Variants in ATP6V0D1 observed in about 807,000 individuals in gnomAD.
ATP6V0D1 encodes V-type proton ATPase subunit d 1.
In ATP6V0D1, 13 loss-of-function variants were observed where a neutral mutation model predicts 39.0. That is an observed-to-expected ratio of 0.33 (90% confidence interval 0.22 to 0.53). ATP6V0D1 has a LOEUF of 0.53. Among genes scored for constraint, ATP6V0D1 ranks in the 20% least tolerant of loss-of-function variants. The pLI, the probability that ATP6V0D1 is intolerant of heterozygous loss-of-function variation, is 0.94. For missense variants in ATP6V0D1, 272 were observed against 470.9 expected (o/e 0.58, Z 3.91); for synonymous variants, 191 against 191.2 (o/e 1.00, Z 0.01).
chr16:67,469,181 G>A (rs534816839), intron 1 of ATP6V0D1, among the ~76,000 whole-genome samples: 89 of 152,264 alleles, frequency 5.8e-4, no homozygotes, highest in Non-Finnish European at 1.1e-3. Context: ...GGTGGCACAC[G>A]CCTGTAATCC....
chr16:67,449,000 A>C (rs56197801), intron 2 of ATP6V0D1, among the ~76,000 whole-genome samples: 8,296 of 152,312 alleles, frequency 0.054, 307 homozygotes, highest in Admixed American at 0.085. Context: ...GAGGAACCTG[A>C]TGTCCCTCTG....
chr16:67,443,540 C>T (rs2041079051), intron 3 of ATP6V0D1: 5 of 231,650 alleles, frequency 2.2e-5, no homozygotes, highest in East Asian at 1.8e-4. Context: ...CGGGGCCTAA[C>T]GCCTACTTCT....
In ATP6V0D1 at chr16:67,438,246, A is replaced by C; in HGVS notation, c.*282T>G. ...AACATGAAAGTGACATGCTTCTTAGATACATCAGCGGCTGTAACCACAGGG... is the reference window on the plus strand; with the variant it reads ...AACATGAAAGTGACATGCTTCTTAGCTACATCAGCGGCTGTAACCACAGGG... On this transcript the variant is annotated 3_prime_UTR_variant, in exon 8 of 8. Transcript: ENST00000290949. 1 of 469,158 alleles carries C rather than the reference A, an allele frequency of 2.1e-6. No homozygotes were observed. The allele number at this position is 469,158 out of a possible 1,614,324, so 29.1% of individuals were successfully genotyped here. A position where few individuals can be genotyped will look rare whatever the true frequency, so the allele number is the denominator to read the frequency against.
At chr16:67,466,872 C>A (rs916454553) in intron 1 of ATP6V0D1, among the ~76,000 whole-genome samples, 2 of 152,156 alleles carry the variant, frequency 1.3e-5, no homozygotes, top group Non-Finnish European at 2.9e-5. Flanking sequence ...GGAGACCACA[C>A]AGACCTGAGT....
intron 1 of ATP6V0D1, among the ~76,000 whole-genome samples, chr16:67,460,216 G>A (rs1253979616): frequency 1.3e-5 from 2 of 152,182 alleles, no homozygotes. Flanking sequence ...ACTGGACCTG[G>A]GCTCTACCTC....
At position 67,438,700 on chromosome 16, in the gene ATP6V0D1, G is replaced by A. The variant is rs1320436209; in HGVS notation, c.895-11C>T. ...CTTGTTCAGCTTTACCTGTGGACAC[G>A]GGCAGATGTGGTGTCCAGGTGGCCA... On this transcript the variant is annotated splice_polypyrimidine_tract_variant and intron_variant, in intron 7 of 7. Transcript: ENST00000290949. The A allele has an allele frequency of 1.1e-5, 18 of 1,614,060 alleles. No homozygotes were observed. The highest frequency in any genetic ancestry group is 2.2e-5 in the East Asian group (1 of 44,898).
chr16:67,444,504 C>G lies in ATP6V0D1; in HGVS notation c.481+24G>C. 1 of 1,572,172 alleles carries G rather than the reference C, an allele frequency of 6.4e-7. No homozygotes were observed. Among genetic ancestry groups the G allele is most frequent in the Non-Finnish European group, 8.7e-7 (1 of 1,151,040 alleles). On this transcript the variant is annotated intron_variant, in intron 3 of 7. Coordinates refer to ENST00000290949, the MANE Select transcript of ATP6V0D1 (RefSeq NM_004691.5). The surrounding 1 kb of genome is among the most constrained non-coding windows in gnomAD (Gnocchi z 4.8). ...CTGATGCTGACACCACTGCCCACCT[C>G]CCATGACCACCACAGCGGCTCACCA...
Position 67,481,129 on chromosome 16 carries a change from G to A in ATP6V0D1, c.-43C>T, listed in dbSNP as rs375413527. The A allele has an allele frequency of 9.3e-6, 15 of 1,610,878 alleles. No individual in the cohort carries two copies. The African/African-American group carries it at 1.1e-4, about 11-fold the overall frequency. ...CGGGACCGGAGAACCAGGACCGGCC[G>A]GCACGAATCGCGACTCCCCAGGTCA... On this transcript the variant is annotated 5_prime_UTR_variant, in exon 1 of 8. Coordinates refer to ENST00000290949, the MANE Select transcript of ATP6V0D1 (RefSeq NM_004691.5).
At chr16:67,449,062 G>C (rs1189304577) in intron 2 of ATP6V0D1, among the ~76,000 whole-genome samples, 2 of 152,242 alleles carry the variant, frequency 1.3e-5, no homozygotes, top group East Asian at 3.8e-4. Flanking sequence ...GAAAATCACA[G>C]ATGTGCTGAC....
Position 67,480,871 on chromosome 16 carries a change from C to A in ATP6V0D1, c.130+86G>T, listed in dbSNP as rs997018118. ...GAGAGGCCTCTCAGGCCCTTCAAGA[C>A]CCCCCCTTCCGGCTTCCCGGCCTAC... is the stretch of plus-strand genomic sequence containing the variant. On this transcript the variant is annotated intron_variant, in intron 1 of 7. Transcript: ENST00000290949. 3.2e-6 allele frequency: 5 copies of A among 1,543,072 alleles called. No individual in the cohort carries two copies. The South Asian group carries it at 3.6e-5, about 11-fold the overall frequency.
Sources: gnomAD v4.1 joint callset for allele counts (sites outside exome capture counted in the v4.1 genomes callset) on GRCh38, gnomAD v4.1.1 for gene constraint, Gnocchi (gnomAD v3.1) non-coding constraint, MANE v1.5 for transcripts, NCBI Gene and HGNC (gene_info 2026-07-23, HGNC 2026-07-21) for gene names.